The following CAMTA1 variants were observed in gnomAD, a reference collection of about 807,000 sequenced individuals.
CAMTA1 encodes the protein calmodulin binding transcription activator 1.
In CAMTA1, 27 loss-of-function variants were observed where a neutral mutation model predicts 170.9. That is an observed-to-expected ratio of 0.16 (90% CI 0.12 to 0.22). The LOEUF (loss-of-function observed/expected upper bound fraction) is 0.22, where lower values mean the gene tolerates loss of function less well. Ranked by LOEUF, CAMTA1 falls within the 10% of genes least tolerant of loss-of-function variation. CAMTA1 has a pLI of 1.00. For missense variants in CAMTA1, 1,619 were observed against 2,217.2 expected (o/e 0.73, Z 5.42); for synonymous variants, 833 against 891.5 (o/e 0.93, Z 1.17).
chr1:7,600,293 A>G (rs2150561018), intron 6 of CAMTA1, among the ~76,000 whole-genome samples: 1 of 149,192 alleles, frequency 6.7e-6, no homozygotes, highest in African/African-American at 2.5e-5. Context: ...GATGAAGCCC[A>G]GTTGATCATG....
intron 11 of CAMTA1, among the ~76,000 whole-genome samples, chr1:7,702,469 C>T (rs2096452130): frequency 6.6e-6 from 1 of 152,194 alleles, no homozygotes; most frequent in African/African-American, 2.4e-5. Flanking sequence ...TTCCCCGGCA[C>T]TTTAGAGTAC....
chr1:7,662,591 C>T (rs568729969), intron 8 of CAMTA1, among the ~76,000 whole-genome samples: 2 of 152,322 alleles, frequency 1.3e-5, no homozygotes, highest in South Asian at 4.1e-4. Context: ...GCCGTCCTGG[C>T]TGCCGGGGCT....
intron 6 of CAMTA1, among the ~76,000 whole-genome samples, chr1:7,558,033 GCA>G (rs2094903419): frequency 6.6e-6 from 1 of 152,128 alleles, no homozygotes; most frequent in African/African-American, 2.4e-5. Flanking sequence ...GCCATTCCCG[GCA>G]TCCTGAGGTA....
intron 6 of CAMTA1, among the ~76,000 whole-genome samples, chr1:7,506,992 C>G (rs1474391499): frequency 3.3e-5 from 5 of 149,342 alleles, no homozygotes; most frequent in Non-Finnish European, 7.4e-5. Context: ...TACTGACACT[C>G]AAAATTCACA....
chr1:7,193,491 G>A (rs1430423013), intron 4 of CAMTA1, among the ~76,000 whole-genome samples: 2 of 151,852 alleles, frequency 1.3e-5, no homozygotes, highest in African/African-American at 4.8e-5. Flanking sequence ...TCTGATGACA[G>A]CAGATAAGTG....
intron 4 of CAMTA1, among the ~76,000 whole-genome samples, chr1:7,091,882 A>G (rs1641511884): frequency 6.6e-6 from 1 of 152,178 alleles, no homozygotes; most frequent in Non-Finnish European, 1.5e-5. Context: ...ACTGCCGCAA[A>G]CACTTAGCTT....
At chr1:7,466,502 A>G (rs2093214049) in intron 5 of CAMTA1, among the ~76,000 whole-genome samples, 1 of 152,170 alleles carries the variant, frequency 6.6e-6, no homozygotes, top group Non-Finnish European at 1.5e-5. Context: ...AGTTCAACCA[A>G]ATTGCACCCG....
chr1:7,269,686 T>G (rs1296997837), intron 5 of CAMTA1, among the ~76,000 whole-genome samples: 1 of 151,730 alleles, frequency 6.6e-6, no homozygotes, highest in Non-Finnish European at 1.5e-5. Context: ...AGAAGAAAGG[T>G]AGGGGGAAAA....
chr1:7,704,458 C>A (rs1163917705), intron 11 of CAMTA1, among the ~76,000 whole-genome samples: 1 of 145,764 alleles, frequency 6.9e-6, no homozygotes, highest in Non-Finnish European at 1.5e-5. Flanking sequence ...CGCGAGGGAC[C>A]GGGGGCCCGG....
At chr1:6,989,772 C>G (rs1298172166) in intron 3 of CAMTA1, among the ~76,000 whole-genome samples, 1 of 152,172 alleles carries the variant, frequency 6.6e-6, no homozygotes, top group Non-Finnish European at 1.5e-5. Context: ...AGGTCACATC[C>G]TTTGTTTGCT....
chr1:7,702,484 G>C (rs1213972888), intron 11 of CAMTA1, among the ~76,000 whole-genome samples: 2 of 152,170 alleles, frequency 1.3e-5, no homozygotes, highest in Non-Finnish European at 2.9e-5. Context: ...GAGTACAGAG[G>C]CAGGCGCTGT....
chr1:7,604,029 G>A (rs972229340), intron 6 of CAMTA1, among the ~76,000 whole-genome samples: 1 of 152,226 alleles, frequency 6.6e-6, no homozygotes, highest in African/African-American at 2.4e-5. Flanking sequence ...CTTCTGGCTT[G>A]TAGAGTTTCT....
chr1:7,053,018 G>A (rs933213493), intron 3 of CAMTA1, among the ~76,000 whole-genome samples: 20 of 152,176 alleles, frequency 1.3e-4, no homozygotes, highest in Admixed American at 1.2e-3. Flanking sequence ...TGCCAGCCTC[G>A]CCCGGCCACT....
intron 5 of CAMTA1, among the ~76,000 whole-genome samples, chr1:7,450,197 C>G (rs1047342073): frequency 6.6e-6 from 1 of 152,184 alleles, no homozygotes; most frequent in Admixed American, 6.5e-5. Flanking sequence ...GCTTGATACT[C>G]CATCCTGAAA....
intron 1 of CAMTA1, among the ~76,000 whole-genome samples, chr1:6,799,484 C>T (rs527347146): frequency 6.6e-6 from 1 of 152,348 alleles, no homozygotes; most frequent in East Asian, 1.9e-4. Flanking sequence ...AAGCCTTTCT[C>T]TCCATGGCCT....
At chr1:7,725,979 G>A (rs1221253959) in intron 11 of CAMTA1, among the ~76,000 whole-genome samples, 3 of 152,170 alleles carry the variant, frequency 2.0e-5, no homozygotes, top group African/African-American at 4.8e-5. Flanking sequence ...CACAGCACAC[G>A]GCCTCTAGCC....
rs1016682423 is a variant in CAMTA1, at chr1:7,609,646, G to T, written c.511-30754G>T. Among the ~76,000 whole-genome samples, 68 of 152,212 alleles carry T rather than the reference G, an allele frequency of 4.5e-4. No homozygotes were observed. The highest frequency in any genetic ancestry group is 3.5e-4 in the Non-Finnish European group (24 of 68,038). On this transcript the variant is annotated intron_variant, in intron 6 of 22. Coordinates refer to ENST00000303635, the MANE Select transcript of CAMTA1 (RefSeq NM_015215.4). The surrounding 1 kb of genome is among the most constrained non-coding windows in gnomAD (Gnocchi z 4.4). ...CTGTCACCCATGTCCTGGTGACCTT[G>T]CTGAGGACATTGGAGCTCCAGCCTC...
Position 7,064,842 on chromosome 1 carries a change from G to T in CAMTA1, c.235-26462G>T, listed in dbSNP as rs1197899651. ...CTGAGGTCCTGTTGGTCTAGGAGCTGGTTGGGTGACTCCTGCTGCCATCTA... is the reference window on the plus strand; with the variant it reads ...CTGAGGTCCTGTTGGTCTAGGAGCTTGTTGGGTGACTCCTGCTGCCATCTA... On this transcript the variant is annotated intron_variant, in intron 3 of 22. Coordinates refer to ENST00000303635, the MANE Select transcript of CAMTA1 (RefSeq NM_015215.4). This position sits in a 1 kb window ranked among gnomAD's most constrained non-coding sequence, Gnocchi z 5.4. Among the ~76,000 whole-genome samples the T allele has an allele frequency of 7.9e-5, 12 of 152,104 alleles. No homozygotes were observed. The highest frequency in any genetic ancestry group is 2.9e-5 in the Non-Finnish European group (2 of 68,022).
intron 5 of CAMTA1, chr1:7,389,308 C>A (rs1274106577): frequency 3.2e-5 from 1 of 31,662 alleles, no homozygotes; most frequent in Non-Finnish European, 7.4e-5. Context: ...AGTGCTCCCC[C>A]TGCAGCCCTG....
Sources: allele counts gnomAD v4.1 joint callset (sites outside exome capture counted in the v4.1 genomes callset), GRCh38; gene constraint gnomAD v4.1.1; non-coding constraint Gnocchi (gnomAD v3.1); transcripts MANE v1.5; gene names NCBI Gene and HGNC (gene_info 2026-07-23, HGNC 2026-07-21).